Variants in PRRC2C observed in about 807,000 individuals in gnomAD.
PRRC2C encodes proline rich coiled-coil 2C.
A neutral mutation model predicts 317.2 loss-of-function variants in PRRC2C; 72 were observed. The observed-to-expected ratio is 0.23, with a 90% CI of 0.19 to 0.28. The LOEUF is 0.28. PRRC2C is among the 10% of genes least tolerant of loss of function. The pLI is 1.00. For synonymous variants in PRRC2C, 1,296 were observed against 1,205.9 expected (o/e 1.07, Z -1.55); for missense variants, 3,074 against 3,459.7 (o/e 0.89, Z 2.80).
At chr1:171,580,028 G>T in intron 28 of PRRC2C, 64 bp downstream of exon 28, 1 of 1,348,366 alleles carries the variant, frequency 7.4e-7, no homozygotes, top group Non-Finnish European at 9.6e-7. Context: ...GATCCTCCTT[G>T]CCGTAATCCA....
At chr1:171,503,530 A>AG (rs1449636598) in intron 1 of PRRC2C, among the ~76,000 whole-genome samples, 1 of 152,108 alleles carries the variant, frequency 6.6e-6, no homozygotes, top group Non-Finnish European at 1.5e-5. Context: ...TCTCAAAAAA[A>AG]AAAAAAGAAA....
Position 171,532,835 on chromosome 1 carries a change from A to G in PRRC2C, c.1747A>G (p.Lys583Glu), listed in dbSNP as rs1280074855. 2.5e-6 allele frequency: 4 copies of G among 1,599,542 alleles called. No homozygotes were observed. The highest frequency in any genetic ancestry group is 3.4e-6 in the Non-Finnish European group (4 of 1,175,784). ...AAAGGAAAAAGAACTACAAAAGATG[A>G]AAGAACAAGAAAAGGAATGTGAGCT... ...KEKEKELQKM[K>E]EQEKECELEK... is the part of the protein sequence containing the mutation. The change falls in exon 12 of 35, where the codon AAA becomes GAA. Residue 583 changes from lysine to glutamate, a missense_variant. This residue lies in a region of PRRC2C where 1,320 missense variants were observed against 1,395.7 expected (regional missense o/e 0.95). Coordinates refer to ENST00000647382, the MANE Select transcript of PRRC2C (RefSeq NM_001387844.1).
At chr1:171,530,817 C>T (rs373267627) in intron 11 of PRRC2C, among the ~76,000 whole-genome samples, 2 of 152,190 alleles carry the variant, frequency 1.3e-5, no homozygotes, top group African/African-American at 4.8e-5. Flanking sequence ...CTTATAACCA[C>T]TTTGGAAAAC....
At chr1:171,509,111 T>TCCTGA in intron 1 of PRRC2C, among the ~76,000 whole-genome samples, 1 of 152,090 alleles carries the variant, frequency 6.6e-6, no homozygotes, top group East Asian at 1.9e-4. Context: ...GGTCTCGATC[T>TCCTGA]CCTGACCTCA....
At chr1:171,584,353 A>C in intron 29 of PRRC2C, 66 bp from the exon 30 acceptor site, 1 of 1,438,538 alleles carries the variant, frequency 7.0e-7, no homozygotes. Context: ...TGAAGTCATA[A>C]TCTCCACCTC....
intron 1 of PRRC2C, among the ~76,000 whole-genome samples, chr1:171,506,826 T>C (rs189494828): frequency 5.9e-5 from 9 of 152,220 alleles, no homozygotes; most frequent in Non-Finnish European, 1.2e-4. Context: ...GTGTATTTTT[T>C]TCTCTATGTT....
Position 171,492,738 on chromosome 1 carries a change from T to TTTTATTTATTTAA in PRRC2C, c.-58+7015_-58+7016insATTTATTTATTTA, listed in dbSNP as rs1553200492. 3.9e-3 allele frequency among the ~76,000 whole-genome samples: 569 copies of TTTTATTTATTTAA among 144,354 alleles called. 4 individuals are homozygous for TTTTATTTATTTAA. The highest frequency in any genetic ancestry group is 0.013 in the African/African-American group (521 of 39,024). 94.7% of individuals were successfully genotyped at this position (144,354 alleles called of 152,430 possible). On this transcript the variant is annotated intron_variant, in intron 1 of 34. Transcript: ENST00000647382. ...CAAGAGGGTAGGGGAATTTTTTTAA[T>TTTTATTTATTTAA]TTTATTTATTTATTTATTTATTTAT... is the stretch of plus-strand genomic sequence containing the variant.
rs1571710823 is a variant in PRRC2C at position 171,515,725 on chromosome 1, A to T, written c.401-9A>T. 6.4e-7 allele frequency: 1 copy of T among 1,574,706 alleles called. No homozygotes were observed. The highest frequency in any genetic ancestry group is 2.2e-5 in the East Asian group (1 of 44,532). On this transcript the variant is annotated splice_polypyrimidine_tract_variant and intron_variant, in intron 4 of 34. Coordinates refer to ENST00000647382, the MANE Select transcript of PRRC2C (RefSeq NM_001387844.1). ...GTTACCTTTAATGTTTTTTTAAAAA[A>T]ATCTATAGGAATCCAAGTGAATAGT...
At chr1:171,554,967 T>C (rs2102618707) in intron 18 of PRRC2C, among the ~76,000 whole-genome samples, 1 of 152,300 alleles carries the variant, frequency 6.6e-6, no homozygotes, top group African/African-American at 2.4e-5. Flanking sequence ...GAGGAGTATC[T>C]TTGTGGTGTT....
At chr1:171,578,683 C>T (rs576450872) in intron 26 of PRRC2C, among the ~76,000 whole-genome samples, 3 of 152,296 alleles carry the variant, frequency 2.0e-5, no homozygotes, top group Non-Finnish European at 2.9e-5. Flanking sequence ...ACCTGGCCAA[C>T]ATGGTGAAAC....
rs760081255 is a variant in PRRC2C, at chr1:171,537,466, G to A, written c.2497G>A (p.Asp833Asn). The change falls in exon 15 of 35, where the codon GAT becomes AAT. Residue 833 changes from aspartate (D) to asparagine (N), a missense_variant. By Grantham distance (23) the Asp-to-Asn change is conservative. Coordinates refer to ENST00000647382, the MANE Select transcript of PRRC2C (RefSeq NM_001387844.1). ...TTPKATEEPE[D>N]VRSEAALDQE... ...TCCCAAAGCAACAGAAGAGCCTGAG[G>A]ATGTAAGGTAATAAATTATTTCAAT... 6 of 1,563,550 alleles carry A rather than the reference G, an allele frequency of 3.8e-6. No homozygotes were observed. The highest frequency in any genetic ancestry group is 1.7e-4 in the Middle Eastern group (1 of 6,038).
chr1:171,546,508 C>T (rs572866958), intron 17 of PRRC2C, among the ~76,000 whole-genome samples: 2 of 152,296 alleles, frequency 1.3e-5, no homozygotes, highest in Admixed American at 6.5e-5. Flanking sequence ...AGCTCATGGA[C>T]ATTATTTTTT....
At chr1:171,573,407 G>A (rs530622382) in intron 24 of PRRC2C, among the ~76,000 whole-genome samples, 13 of 152,172 alleles carry the variant, frequency 8.5e-5, no homozygotes, top group East Asian at 3.9e-4. Flanking sequence ...TCAACTTGCC[G>A]TAAACCACAA....
rs541338079 is a variant in PRRC2C, at chr1:171,551,376, A to G, written c.5127+1136A>G. The stretch of plus-strand genomic sequence containing the variant: ...CTGGATATTAGCCCTTTGTCAGATG[A>G]GTAGATTGCAAAAATTTTCTCCCAT... On this transcript the variant is annotated intron_variant, in intron 18 of 34. Coordinates refer to ENST00000647382, the MANE Select transcript of PRRC2C (RefSeq NM_001387844.1). Among the ~76,000 whole-genome samples the G allele has an allele frequency of 2.1e-3, 324 of 152,194 alleles. 3 individuals are homozygous for G. Among genetic ancestry groups the G allele is most frequent in the South Asian group, 0.02 (96 of 4,826 alleles).
At chr1:171,555,891 G>A (rs932280822) in intron 18 of PRRC2C, among the ~76,000 whole-genome samples, 3 of 152,194 alleles carry the variant, frequency 2.0e-5, no homozygotes, top group African/African-American at 7.2e-5. Flanking sequence ...CCCACTTGAG[G>A]AGGCAGTCTG....
At chr1:171,516,834 G>A (rs1422259187) in intron 5 of PRRC2C, among the ~76,000 whole-genome samples, 1 of 152,118 alleles carries the variant, frequency 6.6e-6, no homozygotes. Context: ...TCTTAGTGGG[G>A]CTGCTTATGA....
At chr1:171,579,988 T>A in intron 28 of PRRC2C, 24 bp downstream of exon 28, 1 of 1,469,368 alleles carries the variant, frequency 6.8e-7, no homozygotes, top group Non-Finnish European at 9.0e-7. Flanking sequence ...AAGTTATGTT[T>A]GTAATGATGT....
At chr1:171,569,575 A>AATATATATATATATATATATATATATAT (rs60832207) in intron 23 of PRRC2C, among the ~76,000 whole-genome samples, 760 of 59,486 alleles carry the variant, frequency 0.013, 32 homozygotes, top group Non-Finnish European at 0.019. Context: ...AAGTGGTTTA[A>AATATATATATATATATATATATATATAT]ATATATATAT....
rs1339941461 is a variant in PRRC2C, at chr1:171,541,255, G to T, written c.3789G>T (p.Arg1263=). 3.1e-6 allele frequency: 5 copies of T among 1,613,814 alleles called. No individual in the cohort carries two copies. The African/African-American group carries it at 5.3e-5, about 17-fold the overall frequency. Residue 1263 remains arginine (R), a synonymous_variant, in exon 16 of 35, where the codon CGG becomes CGT. Transcript: ENST00000647382. The surrounding 1 kb of genome is among the most constrained non-coding windows in gnomAD (Gnocchi z 4.1). The part of the protein sequence containing the change: ...FEVVPKRRRQ[R]GSETDTDSEI... Reference sequence around the variant, plus strand: ...TTGTCCCCAAAAGAAGACGACAGCGGGGTTCAGAGACTGACACAGACAGTG... The same window carrying T: ...TTGTCCCCAAAAGAAGACGACAGCGTGGTTCAGAGACTGACACAGACAGTG...
Sources: gnomAD v4.1 joint callset for allele counts (sites outside exome capture counted in the v4.1 genomes callset) on GRCh38, gnomAD v4.1.1 for gene constraint, gnomAD v4.1.1 regional missense constraint, Gnocchi (gnomAD v3.1) non-coding constraint, MANE v1.5 for transcripts, NCBI Gene and HGNC (gene_info 2026-07-23, HGNC 2026-07-21) for gene names.